ITPK1: variants seen among roughly 807,000 people sequenced by gnomAD.
The protein encoded by ITPK1 is inositol 1,3,4-trisphosphate 5/6-kinase.
Under a neutral mutation model 45.3 loss-of-function variants are expected in ITPK1, and 21 were observed. The ratio of observed to expected loss-of-function variants is 0.46; its 90% CI spans 0.33 to 0.67. The LOEUF is 0.67. Ranked by LOEUF, ITPK1 falls within the 30% of genes least tolerant of loss-of-function variation. The probability of loss-of-function intolerance (pLI) is 0.02; values close to 1 mark genes in which losing one functional copy is unlikely to be tolerated. For synonymous variants in ITPK1, 258 were observed against 253.6 expected (o/e 1.02, Z -0.16); for missense variants, 474 against 573.5 (o/e 0.83, Z 1.77).
intron 2 of ITPK1, among the ~76,000 whole-genome samples, chr14:93,100,010 A>G (rs1348169408): frequency 6.6e-6 from 1 of 152,198 alleles, no homozygotes; most frequent in African/African-American, 2.4e-5. Context: ...AACAGGGAGC[A>G]CGTCCACTCC....
intron 5 of ITPK1, among the ~76,000 whole-genome samples, chr14:92,973,997 G>A (rs1885799421): frequency 6.6e-6 from 1 of 152,210 alleles, no homozygotes; most frequent in Non-Finnish European, 1.5e-5. Context: ...CCTCTGGGGT[G>A]CCTGACTGCC....
rs115326608 is a variant in ITPK1 at position 92,947,623 on chromosome 14, G to A, written c.739-1130C>T. Among the ~76,000 whole-genome samples, 699 of 152,336 alleles carry A rather than the reference G, an allele frequency of 4.6e-3. 5 individuals are homozygous for A. The highest frequency in any genetic ancestry group is 0.016 in the African/African-American group (666 of 41,572). On this transcript the variant is annotated intron_variant, in intron 9 of 10. Coordinates refer to ENST00000267615, the MANE Select transcript of ITPK1 (RefSeq NM_014216.6). ...CTCAGACTTATGTTGATAAGGTGTG[G>A]ACAGCATGTGCCCGGCTGGGAGGAG...
At chr14:92,999,415 A>G (rs771483195) in intron 4 of ITPK1, among the ~76,000 whole-genome samples, 1 of 152,238 alleles carries the variant, frequency 6.6e-6, no homozygotes, top group Non-Finnish European at 1.5e-5. Context: ...CTCAGGACCC[A>G]GGGGCTGAAA....
rs1168528679 is a variant in ITPK1 at position 92,939,217 on chromosome 14, C to A, written c.*2344G>T. The A allele has an allele frequency of 6.6e-6, 1 of 152,370 alleles. No individual in the cohort carries two copies. Among genetic ancestry groups the A allele is most frequent in the Non-Finnish European group, 1.5e-5 (1 of 68,150 alleles). The allele number at this position is 152,370 out of a possible 1,614,324, so 9.4% of individuals were successfully genotyped here. On this transcript the variant is annotated 3_prime_UTR_variant, in exon 11 of 11. Transcript: ENST00000267615. Reference sequence around the variant, plus strand: ...CCACCATGCTCTGGAGAAGAGGAGGCCGCCAGAGCCCGGGTGGTTTTAGTG... The same window carrying A: ...CCACCATGCTCTGGAGAAGAGGAGGACGCCAGAGCCCGGGTGGTTTTAGTG...
intron 2 of ITPK1, among the ~76,000 whole-genome samples, chr14:93,084,172 C>A (rs1378670214): frequency 2.0e-5 from 3 of 152,204 alleles, no homozygotes; most frequent in African/African-American, 7.2e-5. Flanking sequence ...ACCAGCAGAG[C>A]CAGCCAGACC....
intron 5 of ITPK1, among the ~76,000 whole-genome samples, chr14:92,981,510 T>C (rs938506225): frequency 6.6e-6 from 1 of 152,206 alleles, no homozygotes; most frequent in Non-Finnish European, 1.5e-5. Flanking sequence ...CACCCCTTCC[T>C]GTGGCCCCGA....
intron 3 of ITPK1, among the ~76,000 whole-genome samples, chr14:93,073,755 C>T (rs990472730): frequency 6.6e-6 from 1 of 152,178 alleles, no homozygotes; most frequent in Non-Finnish European, 1.5e-5. Context: ...GACAGACAGA[C>T]CTGCACTCAA....
intron 3 of ITPK1, among the ~76,000 whole-genome samples, chr14:93,025,009 A>G (rs555965765): frequency 4.6e-5 from 7 of 152,220 alleles, no homozygotes; most frequent in Non-Finnish European, 8.8e-5. Flanking sequence ...CACAGCGTCA[A>G]CAACCCAGAC....
intron 5 of ITPK1, among the ~76,000 whole-genome samples, chr14:92,974,643 C>T (rs1037709922): frequency 3.9e-5 from 6 of 152,216 alleles, no homozygotes; most frequent in South Asian, 2.1e-4. Flanking sequence ...GGGCATCGGG[C>T]GTAAGGACAC....
At chr14:93,033,474 C>T (rs1366734918) in intron 3 of ITPK1, among the ~76,000 whole-genome samples, 1 of 152,196 alleles carries the variant, frequency 6.6e-6, no homozygotes, top group African/African-American at 2.4e-5. Flanking sequence ...CTGCTGAGCA[C>T]AGACATCAGA....
chr14:92,938,648 C>A lies in ITPK1; in HGVS notation c.*2913G>T. On this transcript the variant is annotated 3_prime_UTR_variant, in exon 11 of 11. Transcript: ENST00000267615. ...CTGCCAGGTTGCAGCTGGGTCCAAT[C>A]CCGCCGGCCATGCTGGGTGACTGCA... is the stretch of plus-strand genomic sequence containing the variant. The A allele has an allele frequency of 1.3e-6, 1 of 788,552 alleles. No individual in the cohort carries two copies. 48.8% of individuals were successfully genotyped at this position (788,552 alleles called of 1,614,324 possible).
chr14:92,971,374 G>A (rs987235391), intron 5 of ITPK1, among the ~76,000 whole-genome samples: 1 of 152,170 alleles, frequency 6.6e-6, no homozygotes, highest in African/African-American at 2.4e-5. Flanking sequence ...TGGTTCAGAG[G>A]GCTACTACCC....
chr14:93,098,686 G>C (rs1018152616), intron 2 of ITPK1, among the ~76,000 whole-genome samples: 1 of 152,178 alleles, frequency 6.6e-6, no homozygotes, highest in East Asian at 1.9e-4. Flanking sequence ...GCAAAGCAGG[G>C]GTCTGAGCGC....
intron 2 of ITPK1, among the ~76,000 whole-genome samples, chr14:93,103,860 G>T (rs181009990): frequency 6.6e-6 from 1 of 152,236 alleles, no homozygotes; most frequent in African/African-American, 2.4e-5. Flanking sequence ...CCACAGGAGG[G>T]TTCTCTCTGC....
At chr14:93,074,212 A>G (rs1031413278) in intron 3 of ITPK1, among the ~76,000 whole-genome samples, 6 of 152,172 alleles carry the variant, frequency 3.9e-5, no homozygotes, top group Non-Finnish European at 7.4e-5. Flanking sequence ...TAAAGTGTCC[A>G]GTTTGGCTTC....
intron 2 of ITPK1, among the ~76,000 whole-genome samples, chr14:93,106,518 G>A (rs1419449125): frequency 6.6e-6 from 1 of 152,226 alleles, no homozygotes; most frequent in Non-Finnish European, 1.5e-5. Context: ...CGTCCACCCT[G>A]TGGGTCCTTT....
At chr14:93,064,241 C>T (rs1034535483) in intron 3 of ITPK1, among the ~76,000 whole-genome samples, 1 of 152,176 alleles carries the variant, frequency 6.6e-6, no homozygotes, top group African/African-American at 2.4e-5. Flanking sequence ...CGAGGTCGCG[C>T]CACTGCACTC....
At chr14:93,044,929 G>C (rs1052768888) in intron 3 of ITPK1, among the ~76,000 whole-genome samples, 1 of 152,196 alleles carries the variant, frequency 6.6e-6, no homozygotes, top group African/African-American at 2.4e-5. Flanking sequence ...ACCTGACAGG[G>C]TTTAGCACCA....
chr14:93,085,187 A>T (rs1486370094), intron 2 of ITPK1, among the ~76,000 whole-genome samples: 1 of 152,278 alleles, frequency 6.6e-6, no homozygotes, highest in Non-Finnish European at 1.5e-5. Flanking sequence ...ATGGCCCGAT[A>T]TAAAGACAAC....
Sources: gnomAD v4.1 joint callset for allele counts (sites outside exome capture counted in the v4.1 genomes callset) on GRCh38, gnomAD v4.1.1 for gene constraint, MANE v1.5 for transcripts, NCBI Gene and HGNC (gene_info 2026-07-23, HGNC 2026-07-21) for gene names.